HTR2C: variants seen among roughly 807,000 people sequenced by gnomAD.
The protein encoded by HTR2C is 5-hydroxytryptamine (serotonin) receptor 2C, G protein-coupled.
A neutral mutation model predicts 21.0 loss-of-function variants in HTR2C; 5 were observed. The observed-to-expected ratio is 0.24, with a 90% CI of 0.12 to 0.50. HTR2C has a LOEUF of 0.50. Ranked by LOEUF, HTR2C falls within the 20% of genes least tolerant of loss-of-function variation. The pLI, the probability that HTR2C is intolerant of heterozygous loss-of-function variation, is 0.98. For missense variants in HTR2C, 271 were observed against 371.2 expected, an observed-to-expected ratio of 0.73 and a Z score of 2.22; for synonymous variants, 150 against 145.3, an observed-to-expected ratio of 1.03 and a Z score of -0.23.
At chrX:114,660,710 T>A (rs1346636590) in intron 2 of HTR2C, among the ~76,000 whole-genome samples, 1 of 112,386 alleles carries the variant, frequency 8.9e-6, no homozygotes, top group African/African-American at 3.2e-5. Flanking sequence ...AGATTTGAAG[T>A]ACAATGCCCT....
chrX:114,640,698 G>A lies in HTR2C; in HGVS notation c.-80+26817G>A, dbSNP rs988502382. ...CTTTTGAAGACTTACTAAATACAGG[G>A]CACTATGCTAAGTGTAATGAAGACA... On this transcript the variant is annotated intron_variant, in intron 2 of 5. Coordinates refer to ENST00000276198, the MANE Select transcript of HTR2C (RefSeq NM_000868.4). Among the ~76,000 whole-genome samples, 9 of 111,970 alleles carry A rather than the reference G, an allele frequency of 8.0e-5. No individual in the cohort carries two copies. In the East Asian group the frequency reaches 1.1e-3, roughly 14 times the overall value.
chrX:114,747,122 C>A (rs2069713416), intron 4 of HTR2C, among the ~76,000 whole-genome samples: 1 of 112,076 alleles, frequency 8.9e-6, no homozygotes, highest in Non-Finnish European at 1.9e-5. Context: ...CTGTAGTGAG[C>A]CATGATTGTG....
intron 4 of HTR2C, among the ~76,000 whole-genome samples, chrX:114,835,786 T>C (rs1472140739): frequency 1.8e-5 from 2 of 111,378 alleles, no homozygotes; most frequent in Admixed American, 1.9e-4. Context: ...GGCGCTCTGC[T>C]TTTTAGAGTT....
Position 114,826,728 on chromosome X carries a change from T to C in HTR2C, c.350-21275T>C, listed in dbSNP as rs781905698. On this transcript the variant is annotated intron_variant, in intron 4 of 5. Coordinates refer to ENST00000276198, the MANE Select transcript of HTR2C (RefSeq NM_000868.4). ...TTATAGACAGCATATAATTGTGTCT[T>C]GTTTATTTTTATTCTCAATTTTAAT... Among the ~76,000 whole-genome samples, 12 of 111,207 alleles carry C rather than the reference T, an allele frequency of 1.1e-4. No homozygotes were observed. The East Asian group carries it at 3.4e-3, about 32-fold the overall frequency.
intron 4 of HTR2C, among the ~76,000 whole-genome samples, chrX:114,773,952 C>G (rs2070030628): frequency 9.0e-6 from 1 of 111,457 alleles, no homozygotes; most frequent in Non-Finnish European, 1.9e-5. Flanking sequence ...CCAGAAGCCA[C>G]TAGGATAGAG....
At chrX:114,865,328 G>A (rs1392666096) in intron 5 of HTR2C, among the ~76,000 whole-genome samples, 2 of 111,619 alleles carry the variant, frequency 1.8e-5, no homozygotes, top group African/African-American at 6.5e-5. Flanking sequence ...CCAGTTGTTG[G>A]ATGTTATAGA....
rs1343909472 is a variant in HTR2C, at chrX:114,758,473, G to A, written c.349+26866G>A. On this transcript the variant is annotated intron_variant, in intron 4 of 5. Transcript: ENST00000276198. ...GCTACTTAGGAGGCTGAGGTGGGAG[G>A]ATGGGTTGAGCCTGGGAATTCAGGC... Among the ~76,000 whole-genome samples, 8 of 110,541 alleles carry A rather than the reference G, an allele frequency of 7.2e-5. No homozygotes were observed. In the East Asian group the frequency reaches 2.0e-3, roughly 28 times the overall value.
chrX:114,605,320 G>A (rs1489583654), intron 1 of HTR2C, among the ~76,000 whole-genome samples: 1 of 110,618 alleles, frequency 9.0e-6, no homozygotes, highest in African/African-American at 3.3e-5. Context: ...CAGAGGCTGA[G>A]GAAGAATTGG....
intron 4 of HTR2C, among the ~76,000 whole-genome samples, chrX:114,738,339 A>G: frequency 8.9e-6 from 1 of 111,751 alleles, no homozygotes; most frequent in Non-Finnish European, 1.9e-5. Flanking sequence ...TGATCTAATC[A>G]TTTCACAACG....
At chrX:114,828,655 T>A (rs1390204287) in intron 4 of HTR2C, among the ~76,000 whole-genome samples, 3 of 111,806 alleles carry the variant, frequency 2.7e-5, no homozygotes, top group Non-Finnish European at 5.7e-5. Context: ...TGTCCAACCG[T>A]CATCTCTATC....
intron 4 of HTR2C, among the ~76,000 whole-genome samples, chrX:114,815,937 TCTC>T (rs2070580326): frequency 9.0e-6 from 1 of 110,760 alleles, no homozygotes; most frequent in South Asian, 3.8e-4. Flanking sequence ...TCATTACTGA[TCTC>T]CTTGACATTT....
intron 4 of HTR2C, among the ~76,000 whole-genome samples, chrX:114,806,411 T>C (rs1396892242): frequency 1.1e-4 from 2 of 18,344 alleles, no homozygotes; most frequent in Non-Finnish European, 2.3e-4. Flanking sequence ...ATATACACCA[T>C]ATATATATAC....
chrX:114,825,407 G>A (rs1417211770), intron 4 of HTR2C, among the ~76,000 whole-genome samples: 1 of 111,568 alleles, frequency 9.0e-6, no homozygotes, highest in Non-Finnish European at 1.9e-5. Context: ...TATTTAATTT[G>A]CAAATATTTG....
chrX:114,811,627 G>A (rs1331986008), intron 4 of HTR2C, among the ~76,000 whole-genome samples: 1 of 112,268 alleles, frequency 8.9e-6, no homozygotes, highest in Non-Finnish European at 1.9e-5. Flanking sequence ...GATTTAATTC[G>A]CTGATAAACA....
chrX:114,861,741 C>T (rs782556469), intron 5 of HTR2C, among the ~76,000 whole-genome samples: 16 of 110,990 alleles, frequency 1.4e-4, no homozygotes, highest in African/African-American at 5.2e-4. Context: ...ATTGATGTTG[C>T]GCACCTCTAC....
intron 4 of HTR2C, among the ~76,000 whole-genome samples, chrX:114,808,165 C>T (rs2070497345): frequency 9.0e-6 from 1 of 110,566 alleles, no homozygotes; most frequent in African/African-American, 3.3e-5. Flanking sequence ...TACCCTATCT[C>T]CATGAGTTCA....
At chrX:114,610,816 A>C in intron 1 of HTR2C, among the ~76,000 whole-genome samples, 1 of 110,809 alleles carries the variant, frequency 9.0e-6, no homozygotes, top group East Asian at 2.8e-4. Context: ...TGAGAGGAAA[A>C]AAATTGGAAA....
chrX:114,841,699 C>T (rs1404091119), intron 4 of HTR2C, among the ~76,000 whole-genome samples: 1 of 107,083 alleles, frequency 9.3e-6, no homozygotes, highest in East Asian at 3.0e-4. Flanking sequence ...GGAGATTGCG[C>T]CACTGCACTC....
At chrX:114,763,037 C>T (rs782348721) in intron 4 of HTR2C, 2 of 118,213 alleles carry the variant, frequency 1.7e-5, no homozygotes, top group Non-Finnish European at 3.7e-5. Flanking sequence ...TCATGGAGCA[C>T]ACATGTATCC....
Sources: gnomAD v4.1 joint callset for allele counts (sites outside exome capture counted in the v4.1 genomes callset) on GRCh38, gnomAD v4.1.1 for gene constraint, MANE v1.5 for transcripts, NCBI Gene and HGNC (gene_info 2026-07-23, HGNC 2026-07-21) for gene names.